CASK: variants seen among roughly 807,000 people sequenced by gnomAD.
The protein encoded by CASK is calcium/calmodulin dependent serine protein kinase.
A neutral mutation model predicts 82.9 loss-of-function variants in CASK; 4 were observed. That is an observed-to-expected ratio of 0.05 (90% CI 0.02 to 0.11). The LOEUF (loss-of-function observed/expected upper bound fraction) is 0.11, where lower values mean the gene tolerates loss of function less well. Among genes scored for constraint, CASK ranks in the 10% least tolerant of loss-of-function variants. The probability of loss-of-function intolerance (pLI) is 1.00; values close to 1 mark genes in which losing one functional copy is unlikely to be tolerated. For synonymous variants in CASK, 259 were observed against 253.5 expected, an observed-to-expected ratio of 1.02 and a Z score of -0.20; for missense variants, 358 against 720.9, an observed-to-expected ratio of 0.50 and a Z score of 5.76.
intron 1 of CASK, among the ~76,000 whole-genome samples, chrX:41,920,919 A>G (rs1290025156): frequency 8.9e-6 from 1 of 111,887 alleles, no homozygotes; most frequent in Admixed American, 9.5e-5. Context: ...AGATGCAACA[A>G]ACATCATTCA....
chrX:41,805,985 C>T (rs1218439002), intron 2 of CASK, among the ~76,000 whole-genome samples: 2 of 111,690 alleles, frequency 1.8e-5, no homozygotes, highest in Non-Finnish European at 3.8e-5. Flanking sequence ...AGTACCCCCA[C>T]AGCCCCAATG....
intron 2 of CASK, among the ~76,000 whole-genome samples, chrX:41,817,776 A>C (rs1340874037): frequency 9.0e-6 from 1 of 111,283 alleles, no homozygotes; most frequent in Non-Finnish European, 1.9e-5. Flanking sequence ...AAACTAGAAA[A>C]ATTTTGTAAT....
intron 3 of CASK, among the ~76,000 whole-genome samples, chrX:41,761,058 TC>T (rs2068992234): frequency 9.0e-6 from 1 of 111,561 alleles, no homozygotes; most frequent in Non-Finnish European, 1.9e-5. Context: ...TTATTTCCAT[TC>T]TTCTCTCTAG....
chrX:41,755,699 A>C (rs2068881214), intron 3 of CASK, among the ~76,000 whole-genome samples: 1 of 112,139 alleles, frequency 8.9e-6, no homozygotes, highest in African/African-American at 3.2e-5. Flanking sequence ...CACTAATTAC[A>C]GATGGTATAT....
intron 1 of CASK, among the ~76,000 whole-genome samples, chrX:41,888,967 CT>C (rs1344553565): frequency 9.1e-6 from 1 of 109,510 alleles, no homozygotes; most frequent in Non-Finnish European, 1.9e-5. Flanking sequence ...GTGCAAGTAT[CT>C]TTTTCGTATA....
At chrX:41,918,038 C>T (rs1285231413) in intron 1 of CASK, among the ~76,000 whole-genome samples, 1 of 112,160 alleles carries the variant, frequency 8.9e-6, no homozygotes, top group Non-Finnish European at 1.9e-5. Flanking sequence ...ACTGCTTTCA[C>T]GATCACTGGT....
chrX:41,696,800 T>C (rs1602484855), intron 5 of CASK: 2 of 1,007,798 alleles, frequency 2.0e-6, no homozygotes, highest in South Asian at 5.1e-5. Flanking sequence ...CTAAAATGAA[T>C]TATATAATGC....
At chrX:41,826,755 G>A (rs2070676014) in intron 2 of CASK, among the ~76,000 whole-genome samples, 2 of 112,115 alleles carry the variant, frequency 1.8e-5, no homozygotes, top group Non-Finnish European at 3.8e-5. Flanking sequence ...GGGATTACAG[G>A]TGTGAGCCAC....
At chrX:41,798,724 A>T (rs759363769) in intron 2 of CASK, among the ~76,000 whole-genome samples, 1 of 112,584 alleles carries the variant, frequency 8.9e-6, no homozygotes, top group African/African-American at 3.2e-5. Context: ...AATCCCAGCT[A>T]CTTGGGAGGC....
intron 1 of CASK, among the ~76,000 whole-genome samples, chrX:41,866,515 T>G (rs1052592536): frequency 2.7e-5 from 3 of 112,359 alleles, no homozygotes; most frequent in Non-Finnish European, 5.6e-5. Flanking sequence ...AGAATCCCTT[T>G]ATTGCTGTCA....
intron 3 of CASK, among the ~76,000 whole-genome samples, chrX:41,778,667 G>A (rs1001521239): frequency 7.2e-5 from 8 of 111,156 alleles, no homozygotes; most frequent in African/African-American, 2.6e-4. Flanking sequence ...TGTCATAGAC[G>A]AAAAGTTATC....
intron 26 of CASK, chrX:41,523,090 C>T (rs1320810778): frequency 2.7e-5 from 3 of 112,206 alleles, no homozygotes. Context: ...GATGATGATT[C>T]AAGAAAAATA....
chrX:41,904,965 A>C (rs2072445726), intron 1 of CASK, among the ~76,000 whole-genome samples: 1 of 112,125 alleles, frequency 8.9e-6, no homozygotes, highest in Non-Finnish European at 1.9e-5. Context: ...GTATATATGT[A>C]CCACATTTTC....
chrX:41,829,006 T>C lies in CASK; in HGVS notation c.172+24109A>G, dbSNP rs145642277. Among the ~76,000 whole-genome samples the C allele has an allele frequency of 6.2e-3, 696 of 111,790 alleles. 3 individuals are homozygous for C. Among genetic ancestry groups the C allele is most frequent in the African/African-American group, 0.022 (661 of 30,743 alleles). ...CAGAACAGGTATGTCATCACCCTTT[T>C]CTCCCCAAGACTGAATGAATACTTT... On this transcript the variant is annotated intron_variant, in intron 2 of 26. Transcript: ENST00000378163.
chrX:41,545,027 G>GTTTTTTTTTTTTT (rs57524862), intron 21 of CASK, among the ~76,000 whole-genome samples: 1 of 106,890 alleles, frequency 9.4e-6, no homozygotes. Flanking sequence ...TAGTACTGCT[G>GTTTTTTTTTTTTT]TTTTTTTTTT....
chrX:41,840,891 T>G (rs900250330), intron 2 of CASK, among the ~76,000 whole-genome samples: 1 of 112,474 alleles, frequency 8.9e-6, no homozygotes, highest in African/African-American at 3.2e-5. Flanking sequence ...TTTTTAAGGT[T>G]GAACAATAAA....
intron 2 of CASK, among the ~76,000 whole-genome samples, chrX:41,830,546 T>A (rs538542759): frequency 9.0e-6 from 1 of 110,734 alleles, no homozygotes; most frequent in Admixed American, 9.6e-5. Context: ...GATGGCCGGG[T>A]GCGGTGGCTC....
rs12009551 is a variant in CASK at position 41,693,027 on chromosome X, G to T, written c.430-21497C>A. On this transcript the variant is annotated intron_variant, in intron 5 of 26. Transcript: ENST00000378163. ...TAGGTACAGAGAGCCGAACAAAATT[G>T]ACTTGGTTCTTAATCCTAATGGAAC... is the stretch of plus-strand genomic sequence containing the variant. 8.7e-3 allele frequency among the ~76,000 whole-genome samples: 970 copies of T among 111,414 alleles called. 13 individuals carry two copies. The highest frequency in any genetic ancestry group is 0.03 in the African/African-American group (934 of 30,635).
intron 1 of CASK, among the ~76,000 whole-genome samples, chrX:41,869,197 T>C (rs1435572458): frequency 1.8e-5 from 2 of 111,539 alleles, no homozygotes; most frequent in African/African-American, 3.3e-5. Flanking sequence ...ATAGGACTCA[T>C]AGGGCCTCAT....
Sources: allele counts gnomAD v4.1 joint callset (sites outside exome capture counted in the v4.1 genomes callset), GRCh38; gene constraint gnomAD v4.1.1; transcripts MANE v1.5; gene names NCBI Gene and HGNC (gene_info 2026-07-23, HGNC 2026-07-21).